The following ELAVL2 variants were observed in gnomAD, a reference collection of about 807,000 sequenced individuals.
ELAVL2 encodes the protein ELAV like RNA binding protein 2.
ELAVL2 carries 4 observed loss-of-function variants against 34.6 expected under a neutral mutation model. The ratio of observed to expected loss-of-function variants is 0.12; its 90% CI spans 0.06 to 0.26. The LOEUF is 0.26. Ranked by LOEUF, ELAVL2 falls within the 10% of genes least tolerant of loss-of-function variation. The pLI is 1.00. For missense variants in ELAVL2, 432 were observed against 442.8 expected (o/e 0.98, Z 0.22); for synonymous variants, 193 against 154.8 (o/e 1.25, Z -1.83).
intron 4 of ELAVL2, among the ~76,000 whole-genome samples, chr9:23,703,072 T>C (rs939707193): frequency 1.3e-5 from 2 of 150,688 alleles, no homozygotes; most frequent in Non-Finnish European, 2.9e-5. Context: ...CAGAGATTTA[T>C]TCAGTAGGTT....
chr9:23,819,969 C>T (rs879340004), intron 1 of ELAVL2, among the ~76,000 whole-genome samples: 4 of 152,128 alleles, frequency 2.6e-5, no homozygotes, highest in Non-Finnish European at 4.4e-5. Flanking sequence ...AAAGAAGGCC[C>T]CTACCACAAA....
At chr9:23,730,801 G>A (rs1318268464) in intron 3 of ELAVL2, among the ~76,000 whole-genome samples, 1 of 152,032 alleles carries the variant, frequency 6.6e-6, no homozygotes, top group Non-Finnish European at 1.5e-5. Context: ...TTATCTAAGA[G>A]AGTTGTTGCT....
intron 1 of ELAVL2, among the ~76,000 whole-genome samples, chr9:23,819,042 A>G (rs72706957): frequency 0.13 from 19,381 of 152,224 alleles, 1,526 homozygotes; most frequent in Middle Eastern, 0.19. Context: ...CCTTAAAGAG[A>G]ACCTAAGACT....
Position 23,728,635 on chromosome 9 carries a change from TG to T in ELAVL2, c.333+2386del, listed in dbSNP as rs1412315017. On this transcript the variant is annotated intron_variant, in intron 3 of 6. Transcript: ENST00000397312. ...TAGACGAGGGAAAAAGACTTATTTATGGAATAGTATCCCAGGAAATGAAAAG... is the reference window on the plus strand; with the variant it reads ...TAGACGAGGGAAAAAGACTTATTTATGAATAGTATCCCAGGAAATGAAAAG... Among the ~76,000 whole-genome samples the T allele has an allele frequency of 2.0e-5, 3 of 152,084 alleles. No individual in the cohort carries two copies. The East Asian group carries it at 5.8e-4, about 29-fold the overall frequency.
intron 2 of ELAVL2, among the ~76,000 whole-genome samples, chr9:23,745,323 G>C (rs973515941): frequency 2.0e-5 from 3 of 152,120 alleles, no homozygotes; most frequent in Non-Finnish European, 1.5e-5. Flanking sequence ...ATTATACAAA[G>C]ATTTTCTGTG....
At chr9:23,769,883 G>C (rs10966075) in intron 1 of ELAVL2, among the ~76,000 whole-genome samples, 13,214 of 152,194 alleles carry the variant, frequency 0.087, 651 homozygotes, top group Middle Eastern at 0.19. Context: ...TTTCAGAGCT[G>C]GCAGGTTCAA....
At position 23,691,646 on chromosome 9, in the gene ELAVL2, G is replaced by C. The variant is rs770957739; in HGVS notation, c.*911C>G. 2.6e-5 allele frequency: 4 copies of C among 152,416 alleles called. No homozygotes were observed. Among genetic ancestry groups the C allele is most frequent in the African/African-American group, 4.8e-5 (2 of 41,370 alleles). 9.4% of individuals were successfully genotyped at this position (152,416 alleles called of 1,614,324 possible). The stretch of plus-strand genomic sequence containing the variant: ...TATCACATAATAACCAGGATGATCA[G>C]ACGCTCCACTGGTGATTACAAAAAT... On this transcript the variant is annotated 3_prime_UTR_variant, in exon 7 of 7. Coordinates refer to ENST00000397312, the MANE Select transcript of ELAVL2 (RefSeq NM_004432.5).
chr9:23,836,953 A>G, the ELAVL2 span, among the ~76,000 whole-genome samples: 1 of 152,146 alleles, frequency 6.6e-6, no homozygotes, highest in African/African-American at 2.4e-5. Flanking sequence ...AGGAATTAGA[A>G]CCAACACATA....
At chr9:23,837,386 T>C in the ELAVL2 span, among the ~76,000 whole-genome samples, 1 of 152,324 alleles carries the variant, frequency 6.6e-6, no homozygotes, top group South Asian at 2.1e-4. Flanking sequence ...GCTAACTAGC[T>C]GATTCTCTTC....
intron 1 of ELAVL2, among the ~76,000 whole-genome samples, chr9:23,824,408 C>G (rs910242337): frequency 6.6e-6 from 1 of 152,180 alleles, no homozygotes; most frequent in Admixed American, 6.5e-5. Context: ...CACCGCCCTT[C>G]GCAGAGTCCA....
At position 23,819,074 on chromosome 9, in the gene ELAVL2, G is replaced by C. The variant is rs539272508; in HGVS notation, c.-16+6732C>G. 6.6e-5 allele frequency among the ~76,000 whole-genome samples: 10 copies of C among 152,344 alleles called. No homozygotes were observed. The East Asian group carries it at 1.9e-3, about 29-fold the overall frequency. On this transcript the variant is annotated intron_variant, in intron 1 of 6. Transcript: ENST00000397312. ...GACTTGCTTCTAGAATAGAAGTGGG[G>C]TGGCAGGAGGGGAGGCACATTATTT...
chr9:23,778,253 A>G (rs1426140281), intron 1 of ELAVL2, among the ~76,000 whole-genome samples: 1 of 152,240 alleles, frequency 6.6e-6, no homozygotes, highest in East Asian at 1.9e-4. Context: ...GGGATAGACA[A>G]AAACAAGCAG....
At chr9:23,747,174 G>C (rs536878494) in intron 2 of ELAVL2, among the ~76,000 whole-genome samples, 5 of 147,742 alleles carry the variant, frequency 3.4e-5, no homozygotes, top group South Asian at 2.2e-4. Flanking sequence ...TTTTTTTTCC[G>C]ATCTGTTAAG....
intron 2 of ELAVL2, among the ~76,000 whole-genome samples, chr9:23,754,433 C>T (rs1246814845): frequency 6.6e-6 from 1 of 151,898 alleles, no homozygotes; most frequent in Admixed American, 6.6e-5. Flanking sequence ...AAATATTCCA[C>T]TTTGGCATTA....
chr9:23,754,914 C>T (rs1348534101), intron 2 of ELAVL2, among the ~76,000 whole-genome samples: 1 of 152,122 alleles, frequency 6.6e-6, no homozygotes, highest in Non-Finnish European at 1.5e-5. Context: ...GTAAGCGACT[C>T]ATTACTTGAG....
chr9:23,690,162 C>A lies in ELAVL2; in HGVS notation c.*2395G>T, dbSNP rs2032695470. Reference sequence around the variant, plus strand: ...CATGAAAAAGTACAAAGAATCCAAACACAAAAGAAAACATGTACAGCCTCT... The same window carrying A: ...CATGAAAAAGTACAAAGAATCCAAAAACAAAAGAAAACATGTACAGCCTCT... On this transcript the variant is annotated 3_prime_UTR_variant, in exon 7 of 7. Transcript: ENST00000397312. 2 of 152,566 alleles carry A rather than the reference C, an allele frequency of 1.3e-5. No individual in the cohort carries two copies. The allele number at this position is 152,566 out of a possible 1,614,324, so 9.5% of individuals were successfully genotyped here. A position where few individuals can be genotyped will look rare whatever the true frequency, so the allele number is the denominator to read the frequency against.
chr9:23,772,889 A>C (rs1425260905), intron 1 of ELAVL2, among the ~76,000 whole-genome samples: 1 of 152,206 alleles, frequency 6.6e-6, no homozygotes, highest in Non-Finnish European at 1.5e-5. Flanking sequence ...TCTTAAAAAA[A>C]CAAGATTCAC....
intron 1 of ELAVL2, among the ~76,000 whole-genome samples, chr9:23,801,545 C>T (rs2061568088): frequency 6.6e-6 from 1 of 152,082 alleles, no homozygotes; most frequent in Non-Finnish European, 1.5e-5. Context: ...ATGATCTCAC[C>T]AACAGAAGTG....
At chr9:23,796,589 G>T (rs1157005495) in intron 1 of ELAVL2, among the ~76,000 whole-genome samples, 1 of 152,238 alleles carries the variant, frequency 6.6e-6, no homozygotes, top group African/African-American at 2.4e-5. Context: ...ATCCAAAGAT[G>T]CATGACTTGC....
Sources: gnomAD v4.1 joint callset for allele counts (sites outside exome capture counted in the v4.1 genomes callset) on GRCh38, gnomAD v4.1.1 for gene constraint, MANE v1.5 for transcripts, NCBI Gene and HGNC (gene_info 2026-07-23, HGNC 2026-07-21) for gene names.